Variants in HNMT observed in about 807,000 individuals in gnomAD.
HNMT encodes the protein histamine N-methyltransferase.
A neutral mutation model predicts 32.1 loss-of-function variants in HNMT; 30 were observed. That is an observed-to-expected ratio of 0.93 (90% CI 0.70 to 1.27). The LOEUF (loss-of-function observed/expected upper bound fraction) is 1.27, where lower values mean the gene tolerates loss of function less well. Among genes scored for constraint, HNMT ranks in the 50% most tolerant of loss-of-function variants. HNMT has a pLI of 0.00. For missense variants in HNMT, 327 were observed against 346.0 expected, an observed-to-expected ratio of 0.95 and a Z score of 0.43; for synonymous variants, 125 against 119.0, an observed-to-expected ratio of 1.05 and a Z score of -0.33.
chr2:137,964,956 C>T (rs1679910952), intron 1 of HNMT, among the ~76,000 whole-genome samples: 1 of 152,166 alleles, frequency 6.6e-6, no homozygotes, highest in South Asian at 2.1e-4. Flanking sequence ...TTTCAGCCCT[C>T]CTCCAAATTT....
chr2:137,983,120 A>G (rs1227697369), intron 2 of HNMT, among the ~76,000 whole-genome samples: 1 of 152,186 alleles, frequency 6.6e-6, no homozygotes, highest in Non-Finnish European at 1.5e-5. Context: ...GTTGCTCATT[A>G]TAGAGAAAGT....
At chr2:137,979,838 T>A (rs993478686) in intron 2 of HNMT, among the ~76,000 whole-genome samples, 1 of 151,910 alleles carries the variant, frequency 6.6e-6, no homozygotes, top group Non-Finnish European at 1.5e-5. Context: ...ATGTCCTGAG[T>A]TTTCTGCATT....
intron 2 of HNMT, among the ~76,000 whole-genome samples, chr2:137,974,710 C>T (rs1053683532): frequency 4.6e-5 from 7 of 152,232 alleles, no homozygotes; most frequent in South Asian, 2.1e-4. Context: ...AATCCAGCTT[C>T]CTACTTCTAT....
intron 1 of HNMT, 92 bp downstream of exon 1, chr2:137,964,720 CA>C: frequency 7.5e-7 from 1 of 1,338,760 alleles, no homozygotes; most frequent in South Asian, 1.2e-5. Flanking sequence ...GCAGGCTGGG[CA>C]CAGGGATAAG....
At chr2:138,000,782 GGCAGC>G (rs1378058427) in intron 2 of HNMT, 131 bp from the exon 3 acceptor site, 1 of 492,876 alleles carries the variant, frequency 2.0e-6, no homozygotes, top group African/African-American at 2.0e-5. Context: ...ATCATGGCAG[GGCAGC>G]AGTTGAACAT....
intron 4 of HNMT, among the ~76,000 whole-genome samples, chr2:138,002,952 C>T (rs1460392979): frequency 6.6e-6 from 1 of 151,832 alleles, no homozygotes; most frequent in Non-Finnish European, 1.5e-5. Context: ...CAAACTGACT[C>T]ATACATGTTA....
intron 4 of HNMT, among the ~76,000 whole-genome samples, chr2:138,004,576 C>T (rs1381439859): frequency 6.6e-6 from 1 of 152,052 alleles, no homozygotes; most frequent in East Asian, 1.9e-4. Context: ...GACCCCTAAA[C>T]ACCCTGTGAC....
intron 2 of HNMT, chr2:137,988,710 A>G (rs1421738153): frequency 2.0e-5 from 3 of 152,070 alleles, no homozygotes; most frequent in Non-Finnish European, 4.4e-5. Flanking sequence ...CCCCGTCTCT[A>G]CTAAAAATAT....
chr2:138,013,522 G>A (rs1004507801), intron 5 of HNMT, among the ~76,000 whole-genome samples: 2 of 151,994 alleles, frequency 1.3e-5, no homozygotes, highest in African/African-American at 2.4e-5. Context: ...CAGACTCTGC[G>A]ACCACCCTAG....
At chr2:137,964,694 G>C in intron 1 of HNMT, 66 bp downstream of exon 1, 1 of 1,537,022 alleles carries the variant, frequency 6.5e-7, no homozygotes, top group Non-Finnish European at 9.0e-7. Flanking sequence ...GTGATAGATG[G>C]GTCTCGCTCA....
At chr2:137,979,207 T>C (rs1680405364) in intron 2 of HNMT, among the ~76,000 whole-genome samples, 1 of 149,144 alleles carries the variant, frequency 6.7e-6, no homozygotes, top group East Asian at 1.9e-4. Flanking sequence ...CATATATATT[T>C]CCATATATAA....
At chr2:138,003,935 G>C (rs1005585018) in intron 4 of HNMT, among the ~76,000 whole-genome samples, 3 of 151,890 alleles carry the variant, frequency 2.0e-5, no homozygotes, top group South Asian at 2.1e-4. Flanking sequence ...TTCCATGTTT[G>C]TTCCTTCTTT....
intron 2 of HNMT, among the ~76,000 whole-genome samples, chr2:137,994,790 T>C (rs1461959180): frequency 6.6e-6 from 1 of 152,128 alleles, no homozygotes; most frequent in Non-Finnish European, 1.5e-5. Context: ...CCTTAGCAAA[T>C]GCAAAAGAAC....
chr2:138,010,877 G>A (rs1313929910), intron 5 of HNMT, among the ~76,000 whole-genome samples: 1 of 151,978 alleles, frequency 6.6e-6, no homozygotes, highest in Non-Finnish European at 1.5e-5. Flanking sequence ...CATCAATTGG[G>A]AGGGTTGCTG....
intron 2 of HNMT, among the ~76,000 whole-genome samples, chr2:137,990,700 C>A (rs1279816579): frequency 6.6e-6 from 1 of 152,114 alleles, no homozygotes; most frequent in East Asian, 1.9e-4. Flanking sequence ...TATATACCCA[C>A]ACATATTTAT....
chr2:138,004,656 A>G (rs759452169), intron 4 of HNMT, among the ~76,000 whole-genome samples: 2 of 152,042 alleles, frequency 1.3e-5, no homozygotes, highest in Non-Finnish European at 2.9e-5. Context: ...AGGCTGTCAC[A>G]TTTTCTGTGA....
At chr2:138,005,652 C>A (rs1194910111) in intron 5 of HNMT, among the ~76,000 whole-genome samples, 2 of 151,858 alleles carry the variant, frequency 1.3e-5, no homozygotes, top group East Asian at 1.9e-4. Context: ...AATTGACTTG[C>A]ATTCTTAGAG....
intron 1 of HNMT, among the ~76,000 whole-genome samples, chr2:137,966,458 C>T (rs965847851): frequency 4.6e-5 from 7 of 152,134 alleles, no homozygotes; most frequent in African/African-American, 1.2e-4. Context: ...ATTTCCCACC[C>T]TATCATGTCA....
intron 5 of HNMT, among the ~76,000 whole-genome samples, chr2:138,010,950 T>C (rs1161918733): frequency 1.3e-5 from 2 of 152,026 alleles, no homozygotes; most frequent in Admixed American, 6.6e-5. Context: ...AAGCTTTCTG[T>C]CTGTCCTCTC....
Sources: allele counts gnomAD v4.1 joint callset (sites outside exome capture counted in the v4.1 genomes callset), GRCh38; gene constraint gnomAD v4.1.1; transcripts MANE v1.5; gene names NCBI Gene and HGNC (gene_info 2026-07-23, HGNC 2026-07-21).